The following GRM7 variants were observed in gnomAD, a reference collection of about 807,000 sequenced individuals.
GRM7 encodes the protein metabotropic glutamate receptor 7.
In GRM7, 35 loss-of-function variants were observed where a neutral mutation model predicts 84.5. That is an observed-to-expected ratio of 0.41 (90% CI 0.32 to 0.55). GRM7 has a LOEUF of 0.55. Among genes scored for constraint, GRM7 ranks in the 20% least tolerant of loss-of-function variants. The pLI, the probability that GRM7 is intolerant of heterozygous loss-of-function variation, is 0.19. For synonymous variants in GRM7, 487 were observed against 455.1 expected, an observed-to-expected ratio of 1.07 and a Z score of -0.89; for missense variants, 1,003 against 1,194.6, an observed-to-expected ratio of 0.84 and a Z score of 2.36.
At chr3:7,363,863 G>A (rs1388003110) in intron 4 of GRM7, among the ~76,000 whole-genome samples, 1 of 151,874 alleles carries the variant, frequency 6.6e-6, no homozygotes, top group Non-Finnish European at 1.5e-5. Flanking sequence ...AGTTTGCATT[G>A]CATGATCAGT....
intron 4 of GRM7, among the ~76,000 whole-genome samples, chr3:7,373,005 T>A (rs1379685325): frequency 1.3e-5 from 2 of 152,122 alleles, no homozygotes; most frequent in Non-Finnish European, 2.9e-5. Context: ...GAAAGCATAA[T>A]TAGAACAGCA....
chr3:7,178,046 C>T (rs543723914), intron 2 of GRM7, among the ~76,000 whole-genome samples: 2 of 152,214 alleles, frequency 1.3e-5, no homozygotes, highest in South Asian at 4.1e-4. Flanking sequence ...ACTTTTGTAT[C>T]AGCAGATGAC....
intron 1 of GRM7, among the ~76,000 whole-genome samples, chr3:6,936,673 T>G (rs1697704896): frequency 6.6e-6 from 1 of 152,230 alleles, no homozygotes; most frequent in African/African-American, 2.4e-5. Context: ...TTCTAATCTT[T>G]GTGTGTGTTA....
At chr3:7,069,284 G>A (rs1697780381) in intron 1 of GRM7, among the ~76,000 whole-genome samples, 1 of 152,008 alleles carries the variant, frequency 6.6e-6, no homozygotes, top group Non-Finnish European at 1.5e-5. Context: ...CAGAACCAGT[G>A]AGTAGTGCAG....
intron 1 of GRM7, among the ~76,000 whole-genome samples, chr3:6,972,176 G>T (rs532166690): frequency 2.0e-5 from 3 of 152,132 alleles, no homozygotes; most frequent in Non-Finnish European, 4.4e-5. Context: ...TTGTGTTGTG[G>T]CATTTTCTCA....
intron 8 of GRM7, among the ~76,000 whole-genome samples, chr3:7,604,402 A>C (rs180840987): frequency 5.6e-4 from 85 of 152,300 alleles, no homozygotes; most frequent in African/African-American, 1.9e-3. Context: ...TTGCTATTCA[A>C]AGGCCAGGAG....
At chr3:7,010,570 G>A (rs142332933) in intron 1 of GRM7, among the ~76,000 whole-genome samples, 8 of 152,200 alleles carry the variant, frequency 5.3e-5, no homozygotes, top group Non-Finnish European at 1.0e-4. Flanking sequence ...ATAAACAACC[G>A]AATCAGATAT....
chr3:7,607,443 A>G (rs974917943), intron 8 of GRM7: 3 of 152,194 alleles, frequency 2.0e-5, no homozygotes, highest in African/African-American at 7.2e-5. Context: ...GAGTATAAAG[A>G]AAACCAAAAC....
chr3:6,893,120 A>G (rs1696035113), intron 1 of GRM7: 1 of 152,136 alleles, frequency 6.6e-6, no homozygotes, highest in Admixed American at 6.6e-5. Context: ...TAAGCATTAT[A>G]TTATTTCAAT....
intron 4 of GRM7, among the ~76,000 whole-genome samples, chr3:7,372,538 C>T (rs13071462): frequency 0.62 from 93,812 of 151,942 alleles, 29,566 homozygotes; most frequent in African/African-American, 0.76. Context: ...CTTAATTGTA[C>T]GCCATTCACT....
chr3:7,167,625 A>C (rs1694841693), intron 2 of GRM7, among the ~76,000 whole-genome samples: 1 of 152,180 alleles, frequency 6.6e-6, no homozygotes, highest in African/African-American at 2.4e-5. Context: ...GGTTCCAGTC[A>C]TTAAAATGGC....
chr3:6,963,406 G>A (rs767453386), intron 1 of GRM7, among the ~76,000 whole-genome samples: 20 of 152,154 alleles, frequency 1.3e-4, no homozygotes, highest in Non-Finnish European at 2.4e-4. Context: ...AAGATGTATA[G>A]ATTACTGCAT....
At chr3:7,610,257 A>G (rs895237072) in intron 8 of GRM7, among the ~76,000 whole-genome samples, 2 of 152,126 alleles carry the variant, frequency 1.3e-5, no homozygotes, top group Non-Finnish European at 2.9e-5. Flanking sequence ...GTGCAAAGCC[A>G]CTCATGAATT....
rs117575450 is a variant in GRM7, at chr3:7,194,820, A to G, written c.736+48152A>G. ...TAAAATACTTAGCAGAGTTTCTGGC[A>G]CAAAATATATAGTAAGCATTTGTTC... On this transcript the variant is annotated intron_variant, in intron 2 of 9. Transcript: ENST00000357716. Among the ~76,000 whole-genome samples the G allele has an allele frequency of 1.1e-4, 16 of 152,304 alleles. No individual in the cohort carries two copies. In the East Asian group the frequency reaches 3.1e-3, roughly 29 times the overall value.
At chr3:7,318,078 A>G (rs1285123937) in intron 4 of GRM7, among the ~76,000 whole-genome samples, 2 of 152,132 alleles carry the variant, frequency 1.3e-5, no homozygotes, top group Admixed American at 6.6e-5. Context: ...GGAGAAAAAA[A>G]TCACAGGCGT....
chr3:7,641,033 A>C (rs1698343562), intron 8 of GRM7, among the ~76,000 whole-genome samples: 1 of 152,184 alleles, frequency 6.6e-6, no homozygotes, highest in South Asian at 2.1e-4. Flanking sequence ...CTCTCTGGTG[A>C]TTACTGTTAA....
chr3:7,321,878 G>T (rs988787149), intron 4 of GRM7, among the ~76,000 whole-genome samples: 1 of 151,872 alleles, frequency 6.6e-6, no homozygotes, highest in Non-Finnish European at 1.5e-5. Context: ...TTCAACTATC[G>T]ACATCATTCA....
At chr3:6,877,169 A>G (rs941411575) in intron 1 of GRM7, among the ~76,000 whole-genome samples, 2 of 152,214 alleles carry the variant, frequency 1.3e-5, no homozygotes, top group African/African-American at 4.8e-5. Context: ...CACTTGCATC[A>G]TGTTAGTGAG....
At chr3:7,393,953 A>G (rs1176209922) in intron 4 of GRM7, among the ~76,000 whole-genome samples, 1 of 152,172 alleles carries the variant, frequency 6.6e-6, no homozygotes, top group Admixed American at 6.5e-5. Flanking sequence ...ATTAAGTGGT[A>G]CAGTTTTCGC....
Sources: allele counts gnomAD v4.1 joint callset (sites outside exome capture counted in the v4.1 genomes callset), GRCh38; gene constraint gnomAD v4.1.1; transcripts MANE v1.5; gene names NCBI Gene and HGNC (gene_info 2026-07-23, HGNC 2026-07-21).